Variants in CRB1 observed in about 807,000 individuals in gnomAD.
CRB1 encodes the protein crumbs cell polarity complex component 1.
A neutral mutation model predicts 120.0 loss-of-function variants in CRB1; 83 were observed. The ratio of observed to expected loss-of-function variants is 0.69; its 90% CI spans 0.58 to 0.83. The LOEUF (loss-of-function observed/expected upper bound fraction) is 0.83, where lower values mean the gene tolerates loss of function less well. Ranked by LOEUF, CRB1 falls within the 40% of genes least tolerant of loss-of-function variation. The pLI is 0.00. For synonymous variants in CRB1, 625 were observed against 612.5 expected (o/e 1.02, Z -0.30); for missense variants, 1,699 against 1,687.6 (o/e 1.01, Z -0.12).
Position 197,421,560 on chromosome 1 carries a change from G to C in CRB1, c.1732G>C (p.Val578Leu), listed in dbSNP as rs769859765. ...HFVEVIFAEA[V>L]TLTLIDDSCK... is the part of the protein sequence containing the mutation. ...CGTGGAGGTAATATTTGCAGAGGCT[G>C]TGACCCTTACCTTAATCGACGACTC... The change falls in exon 6 of 12, where the codon GTG becomes CTG. Residue 578 changes from valine (V) to leucine (L), a missense_variant. Val to Leu is a conservative substitution (Grantham distance 32). Transcript: ENST00000367400. 15 of 1,614,102 alleles carry C rather than the reference G, an allele frequency of 9.3e-6. No individual in the cohort carries two copies. Among genetic ancestry groups the C allele is most frequent in the Non-Finnish European group, 1.3e-5 (15 of 1,180,046 alleles).
At chr1:197,374,087 C>T (rs1661516424) in intron 5 of CRB1, among the ~76,000 whole-genome samples, 1 of 152,078 alleles carries the variant, frequency 6.6e-6, no homozygotes, top group Non-Finnish European at 1.5e-5. Context: ...CTTTGGTATG[C>T]AGTTTCTAGA....
At chr1:197,383,496 G>T (rs1662061056) in intron 5 of CRB1, among the ~76,000 whole-genome samples, 1 of 152,142 alleles carries the variant, frequency 6.6e-6, no homozygotes, top group Non-Finnish European at 1.5e-5. Flanking sequence ...TTTTTCAATA[G>T]AACTGCTACT....
At chr1:197,321,732 G>T (rs1453516306) in intron 1 of CRB1, among the ~76,000 whole-genome samples, 2 of 152,182 alleles carry the variant, frequency 1.3e-5, no homozygotes, top group Non-Finnish European at 1.5e-5. Flanking sequence ...GTTGCATATA[G>T]ATAAGTGTTC....
intron 5 of CRB1, among the ~76,000 whole-genome samples, chr1:197,393,402 C>G (rs774676473): frequency 1.3e-5 from 2 of 152,074 alleles, no homozygotes; most frequent in Non-Finnish European, 2.9e-5. Context: ...AAGAGAAGGG[C>G]TGGCTACAGT....
chr1:197,215,358 A>G, the CRB1 span, among the ~76,000 whole-genome samples: 1 of 149,628 alleles, frequency 6.7e-6, no homozygotes, highest in Admixed American at 6.7e-5. Context: ...GCTCACCACA[A>G]CCTCCACCTC....
chr1:197,242,717 T>C, the CRB1 span, among the ~76,000 whole-genome samples: 5 of 152,168 alleles, frequency 3.3e-5, no homozygotes, highest in Non-Finnish European at 7.4e-5. Flanking sequence ...TCCCTCTTTT[T>C]ATATTGTTTG....
At chr1:197,405,994 G>A (rs1259980002) in intron 5 of CRB1, among the ~76,000 whole-genome samples, 9 of 150,946 alleles carry the variant, frequency 6.0e-5, no homozygotes, top group Admixed American at 4.6e-4. Context: ...CCGTCCGGGA[G>A]GTGAGGGGCG....
chr1:197,279,931 A>C (rs2125216980), intron 1 of CRB1, among the ~76,000 whole-genome samples: 1 of 151,606 alleles, frequency 6.6e-6, no homozygotes, highest in Non-Finnish European at 1.5e-5. Context: ...TATGTCAGAC[A>C]TTAGGCTGAA....
intron 11 of CRB1, among the ~76,000 whole-genome samples, chr1:197,476,003 G>A (rs960748775): frequency 2.0e-5 from 3 of 151,948 alleles, no homozygotes; most frequent in South Asian, 2.1e-4. Flanking sequence ...TCCGCATCTC[G>A]GGTTCAAGCG....
intron 5 of CRB1, among the ~76,000 whole-genome samples, chr1:197,419,975 G>A (rs1197007259): frequency 7.7e-6 from 1 of 129,200 alleles, no homozygotes; most frequent in African/African-American, 2.7e-5. Context: ...AGCGAGACAC[G>A]ATCTCAAAAA....
chr1:197,390,623 A>T (rs930624038), intron 5 of CRB1, among the ~76,000 whole-genome samples: 15 of 152,274 alleles, frequency 9.9e-5, no homozygotes, highest in African/African-American at 3.6e-4. Flanking sequence ...TGTGCATAAC[A>T]TGATACCTTG....
rs995104541 is a variant in CRB1 at position 197,478,075 on chromosome 1, C to A, written c.*196C>A. On this transcript the variant is annotated 3_prime_UTR_variant, in exon 12 of 12. Transcript: ENST00000367400. ...CCATTGTTTTATTATATTATATCAGCCAATTGCAAAAAAAGTCTGTGCCAG... is the reference window on the plus strand; with the variant it reads ...CCATTGTTTTATTATATTATATCAGACAATTGCAAAAAAAGTCTGTGCCAG... 1 of 613,916 alleles carries A rather than the reference C, an allele frequency of 1.6e-6. No individual in the cohort carries two copies. Among genetic ancestry groups the A allele is most frequent in the Middle Eastern group, 4.2e-4 (1 of 2,360 alleles). 38.0% of individuals were successfully genotyped at this position (613,916 alleles called of 1,614,324 possible).
Position 197,288,175 on chromosome 1 carries a change from T to C in CRB1, c.70+19693T>C, listed in dbSNP as rs568053850. Among the ~76,000 whole-genome samples the C allele has an allele frequency of 5.9e-5, 9 of 151,894 alleles. No individual in the cohort carries two copies. The South Asian group carries it at 1.9e-3, about 32-fold the overall frequency. On this transcript the variant is annotated intron_variant, in intron 1 of 11. Coordinates refer to ENST00000367400, the MANE Select transcript of CRB1 (RefSeq NM_201253.3). ...GCTCCTTTTAGTATTCAGCTGAGTTTATATCAGCACATGCATGTAAGGAAA... is the reference window on the plus strand; with the variant it reads ...GCTCCTTTTAGTATTCAGCTGAGTTCATATCAGCACATGCATGTAAGGAAA...
the CRB1 span, among the ~76,000 whole-genome samples, chr1:197,236,782 T>A: frequency 6.6e-6 from 1 of 152,220 alleles, no homozygotes; most frequent in Non-Finnish European, 1.5e-5. Flanking sequence ...ATGATTTTTC[T>A]TCTATAAGCC....
intron 1 of CRB1, among the ~76,000 whole-genome samples, chr1:197,275,242 G>A (rs993560999): frequency 6.6e-6 from 1 of 152,116 alleles, no homozygotes; most frequent in East Asian, 1.9e-4. Context: ...ACAAATAAGG[G>A]CACATTCACA....
intron 11 of CRB1, among the ~76,000 whole-genome samples, chr1:197,456,721 C>T (rs1311020194): frequency 2.0e-5 from 3 of 152,142 alleles, no homozygotes; most frequent in Non-Finnish European, 4.4e-5. Context: ...ACATATATTG[C>T]TTACCATGCC....
At chr1:197,316,215 C>T (rs1029733425) in intron 1 of CRB1, among the ~76,000 whole-genome samples, 2 of 151,588 alleles carry the variant, frequency 1.3e-5, no homozygotes, top group Non-Finnish European at 2.9e-5. Context: ...GACGGAGTCT[C>T]ACTCTTTCGC....
chr1:197,218,760 A>T, the CRB1 span, among the ~76,000 whole-genome samples: 3 of 152,194 alleles, frequency 2.0e-5, no homozygotes, highest in Admixed American at 6.5e-5. Flanking sequence ...ATTTGAAGGG[A>T]TAATGGACTG....
intron 5 of CRB1, among the ~76,000 whole-genome samples, chr1:197,392,708 A>G (rs1390917567): frequency 6.6e-6 from 1 of 152,192 alleles, no homozygotes; most frequent in Non-Finnish European, 1.5e-5. Context: ...AATCAATATG[A>G]CTACAGAGCT....
Sources: allele counts gnomAD v4.1 joint callset (sites outside exome capture counted in the v4.1 genomes callset), GRCh38; gene constraint gnomAD v4.1.1; transcripts MANE v1.5; gene names NCBI Gene and HGNC (gene_info 2026-07-23, HGNC 2026-07-21).